The following RYR2 variants were observed in gnomAD, a reference collection of about 807,000 sequenced individuals.
RYR2 encodes the protein ryanodine receptor 2.
RYR2 carries 227 observed loss-of-function variants against 601.1 expected under a neutral mutation model. The observed-to-expected ratio is 0.38, with a 90% confidence interval of 0.34 to 0.42. The LOEUF (loss-of-function observed/expected upper bound fraction) is 0.42, where lower values mean the gene tolerates loss of function less well. RYR2 is among the 10% of genes least tolerant of loss of function. The pLI, the probability that RYR2 is intolerant of heterozygous loss-of-function variation, is 1.00. For synonymous variants in RYR2, 2,223 were observed against 2,175.1 expected (o/e 1.02, Z -0.61); for missense variants, 4,646 against 6,156.5 (o/e 0.75, Z 8.21).
chr1:237,180,666 A>T lies in RYR2; in HGVS notation c.49-89831A>T. ...TATATGTATATGTGTATATATGTAT[A>T]CATGTGTATATATGTGTATATATGT... On this transcript the variant is annotated intron_variant, in intron 1 of 104. Transcript: ENST00000366574. This position sits in a 1 kb window ranked among gnomAD's most constrained non-coding sequence, Gnocchi z 5.3. Among the ~76,000 whole-genome samples the T allele has an allele frequency of 8.4e-6, 1 of 119,048 alleles. No individual in the cohort carries two copies. Among genetic ancestry groups the T allele is most frequent in the Middle Eastern group, 5.0e-3 (1 of 202 alleles). 78.1% of individuals were successfully genotyped at this position (119,048 alleles called of 152,430 possible).
chr1:237,559,325 C>A (rs1238165227), intron 27 of RYR2, among the ~76,000 whole-genome samples: 2 of 152,068 alleles, frequency 1.3e-5, no homozygotes, highest in Non-Finnish European at 2.9e-5. Context: ...TATTGAAAAC[C>A]AACGGCCCCT....
chr1:237,442,959 T>C (rs1708039787), intron 13 of RYR2, among the ~76,000 whole-genome samples: 1 of 152,228 alleles, frequency 6.6e-6, no homozygotes, highest in Non-Finnish European at 1.5e-5. Flanking sequence ...CTTTTATGTA[T>C]GTTTGGAACA....
rs557559877 is a variant in RYR2 at position 237,091,573 on chromosome 1, C to T, written c.48+49004C>T. Among the ~76,000 whole-genome samples the T allele has an allele frequency of 2.3e-4, 35 of 152,026 alleles. No homozygotes were observed. In the South Asian group the frequency reaches 5.6e-3, roughly 24 times the overall value. On this transcript the variant is annotated intron_variant, in intron 1 of 104. Coordinates refer to ENST00000366574, the MANE Select transcript of RYR2 (RefSeq NM_001035.3). ...CCGAGTAGCTGGGATTACAGGTGTG[C>T]GGTGCCACACCTGGCTAATTTTTGT... is the stretch of plus-strand genomic sequence containing the variant.
chr1:237,623,918 C>A, intron 39 of RYR2, 48 bp downstream of exon 39: 2 of 1,246,070 alleles, frequency 1.6e-6, no homozygotes, highest in Non-Finnish European at 2.4e-6. Flanking sequence ...TGTTTTTAAT[C>A]CATATATCCT....
intron 29 of RYR2, among the ~76,000 whole-genome samples, chr1:237,576,284 G>C (rs1011681979): frequency 6.6e-6 from 1 of 152,164 alleles, no homozygotes; most frequent in Non-Finnish European, 1.5e-5. Context: ...ATATGGAATT[G>C]TAAAGGGCTA....
At chr1:237,591,948 A>G in intron 32 of RYR2, 95 bp downstream of exon 32, 2 of 872,688 alleles carry the variant, frequency 2.3e-6, no homozygotes, top group Non-Finnish European at 1.7e-6. Flanking sequence ...ACTTAGTAAC[A>G]TTATTTTTAA....
At chr1:237,474,078 C>T (rs923309815) in intron 17 of RYR2, among the ~76,000 whole-genome samples, 9 of 151,542 alleles carry the variant, frequency 5.9e-5, no homozygotes, top group South Asian at 2.1e-4. Flanking sequence ...GTAGAGGCTC[C>T]GGGAGTTGAC....
At chr1:237,611,114 T>C in intron 36 of RYR2, 126 bp downstream of exon 36, 1 of 734,808 alleles carries the variant, frequency 1.4e-6, no homozygotes. Context: ...TACAAAGATC[T>C]AAATTCTTTA....
At position 237,591,793 on chromosome 1, in the gene RYR2, C is replaced by T. The variant is rs754504287; in HGVS notation, c.4215C>T (p.Leu1405=). Residue 1405 remains leucine, a synonymous_variant, in exon 32 of 105, where the codon CTC becomes CTT. Transcript: ENST00000366574. ...ACAGCACAAGCCATTCTGCAAGACT[C>T]ACCGAAGATGTCCTTGCTGATGATC... ...PDYSTSHSAR[L]TEDVLADDRD... 23 of 1,613,640 alleles carry T rather than the reference C, an allele frequency of 1.4e-5. No homozygotes were observed. The highest frequency in any genetic ancestry group is 1.9e-5 in the Non-Finnish European group (23 of 1,179,816).
chr1:237,044,956 C>CTTTTT (rs4006366), intron 1 of RYR2, among the ~76,000 whole-genome samples: 4 of 144,572 alleles, frequency 2.8e-5, no homozygotes, highest in Non-Finnish European at 3.0e-5. Context: ...TCTTCTTCTT[C>CTTTTT]TTTTTTTTTT....
At position 237,569,190 on chromosome 1, in the gene RYR2, C is replaced by G; in HGVS notation, c.3469C>G (p.Gln1157Glu). 1 of 1,613,874 alleles carries G rather than the reference C, an allele frequency of 6.2e-7. No individual in the cohort carries two copies. Among genetic ancestry groups the G allele is most frequent in the East Asian group, 2.2e-5 (1 of 44,864 alleles). Residue 1157 changes from glutamine to glutamate, a missense_variant, in exon 29 of 105, where the codon CAA becomes GAA. Physicochemically the swap from Gln to Glu is conservative, Grantham distance 29. Around this residue, in one of 17 missense-constraint regions of RYR2, gnomAD observed 1,807 missense variants for 2,088.1 expected, o/e 0.87. Transcript: ENST00000366574. The stretch of plus-strand genomic sequence containing the variant: ...CAATGAACACTATGGGCGCTCTTGG[C>G]AAGCAGGCGATGTCGTGGGGTGTAT... ...QGNEHYGRSWQAGDVVGCMVD... is the reference protein window; with the variant it reads ...QGNEHYGRSWEAGDVVGCMVD...
At chr1:237,289,110 C>T (rs763008273) in intron 2 of RYR2, among the ~76,000 whole-genome samples, 4 of 152,128 alleles carry the variant, frequency 2.6e-5, no homozygotes, top group Admixed American at 6.5e-5. Context: ...GAGAGGAGGG[C>T]CGCCCTTTCC....
At chr1:237,740,908 C>T (rs932384966) in intron 79 of RYR2, among the ~76,000 whole-genome samples, 1 of 152,164 alleles carries the variant, frequency 6.6e-6, no homozygotes, top group Non-Finnish European at 1.5e-5. Context: ...TGGAGGACTG[C>T]AGATTTGCCT....
intron 71 of RYR2, among the ~76,000 whole-genome samples, chr1:237,712,688 T>C (rs1481697377): frequency 6.6e-6 from 1 of 152,198 alleles, no homozygotes; most frequent in Non-Finnish European, 1.5e-5. Context: ...ATTCGCTGCA[T>C]TATTTAAAAG....
intron 1 of RYR2, among the ~76,000 whole-genome samples, chr1:237,165,425 C>G (rs115476150): frequency 0.014 from 2,078 of 152,306 alleles, 52 homozygotes; most frequent in African/African-American, 0.048. Context: ...ATTGAAAGCA[C>G]TGTAAAGACA....
intron 3 of RYR2, among the ~76,000 whole-genome samples, chr1:237,353,244 C>A (rs1006906741): frequency 1.3e-5 from 2 of 152,002 alleles, no homozygotes; most frequent in Non-Finnish European, 2.9e-5. Context: ...TGTTTATGTG[C>A]CCTAAATTTG....
At chr1:237,783,529 T>TATAA in intron 89 of RYR2, 146 bp from the exon 90 acceptor site, 1 of 593,138 alleles carries the variant, frequency 1.7e-6, no homozygotes, top group South Asian at 2.5e-5. Flanking sequence ...AACTATAGTT[T>TATAA]ATAAATAATT....
chr1:237,539,356 A>G (rs904791151), intron 25 of RYR2, among the ~76,000 whole-genome samples: 4 of 152,250 alleles, frequency 2.6e-5, no homozygotes, highest in African/African-American at 7.2e-5. Context: ...CCTACACGCA[A>G]CCCTTGGGCT....
At chr1:237,181,726 A>C (rs1572121640) in intron 1 of RYR2, among the ~76,000 whole-genome samples, 1 of 152,344 alleles carries the variant, frequency 6.6e-6, no homozygotes, top group African/African-American at 2.4e-5. Context: ...AATAGGTCTA[A>C]TGACTGTGCT....
Sources: allele counts gnomAD v4.1 joint callset (sites outside exome capture counted in the v4.1 genomes callset), GRCh38; gene constraint gnomAD v4.1.1; regional missense constraint gnomAD v4.1.1; non-coding constraint Gnocchi (gnomAD v3.1); transcripts MANE v1.5; gene names NCBI Gene and HGNC (gene_info 2026-07-23, HGNC 2026-07-21).